The following ERP44 variants were observed in gnomAD, a reference collection of about 807,000 sequenced individuals.
ERP44 encodes endoplasmic reticulum protein 44.
In ERP44, 25 loss-of-function variants were observed where a neutral mutation model predicts 53.4. The observed-to-expected ratio is 0.47, with a 90% CI of 0.34 to 0.65. The LOEUF is 0.65. Among genes scored for constraint, ERP44 ranks in the 30% least tolerant of loss-of-function variants. The pLI is 0.01. For synonymous variants in ERP44, 145 were observed against 161.2 expected (o/e 0.90, Z 0.76); for missense variants, 338 against 493.2 (o/e 0.69, Z 2.98).
chr9:100,084,114 C>T (rs980884372), intron 1 of ERP44, among the ~76,000 whole-genome samples: 1 of 152,044 alleles, frequency 6.6e-6, no homozygotes, highest in Non-Finnish European at 1.5e-5. Flanking sequence ...AGAAGACTTA[C>T]CAAAGGATAT....
intron 10 of ERP44, among the ~76,000 whole-genome samples, chr9:99,993,131 A>G (rs1402766399): frequency 1.3e-5 from 2 of 152,242 alleles, no homozygotes; most frequent in African/African-American, 4.8e-5. Flanking sequence ...TCAAGCTACC[A>G]GTGACTTTCT....
At chr9:100,064,780 G>C (rs572748060) in intron 1 of ERP44, among the ~76,000 whole-genome samples, 9 of 152,212 alleles carry the variant, frequency 5.9e-5, no homozygotes, top group Admixed American at 1.3e-4. Context: ...TGTAGGTCTA[G>C]GCTAATGTGT....
At chr9:100,078,831 T>G (rs1473021980) in intron 1 of ERP44, among the ~76,000 whole-genome samples, 1 of 152,230 alleles carries the variant, frequency 6.6e-6, no homozygotes, top group Non-Finnish European at 1.5e-5. Context: ...ATTTATTGAC[T>G]TCATATCAGC....
chr9:100,091,439 A>G (rs900756766), intron 1 of ERP44, among the ~76,000 whole-genome samples: 12 of 152,204 alleles, frequency 7.9e-5, no homozygotes, highest in African/African-American at 2.9e-4. Context: ...TGCTAAGTTG[A>G]TAACAAACTG....
At chr9:99,993,566 A>G (rs1343395491) in intron 10 of ERP44, among the ~76,000 whole-genome samples, 1 of 152,240 alleles carries the variant, frequency 6.6e-6, no homozygotes, top group African/African-American at 2.4e-5. Context: ...ACCCTAGAAG[A>G]AAACCTAGGC....
chr9:99,998,532 A>AT, intron 10 of ERP44: 1 of 720,728 alleles, frequency 1.4e-6, no homozygotes, highest in Non-Finnish European at 2.6e-6. Flanking sequence ...CATCTCTGCT[A>AT]ATCTTCACGC....
At position 99,980,294 on chromosome 9, in the gene ERP44, T is replaced by G. The variant is rs1830135402; in HGVS notation, c.*2318A>C. The G allele has an allele frequency of 2.7e-6, 1 of 371,168 alleles. No individual in the cohort carries two copies. Among genetic ancestry groups the G allele is most frequent in the East Asian group, 3.9e-5 (1 of 25,890 alleles). 23.0% of individuals were successfully genotyped at this position (371,168 alleles called of 1,614,324 possible). A position where few individuals can be genotyped will look rare whatever the true frequency, so the allele number is the denominator to read the frequency against. On this transcript the variant is annotated 3_prime_UTR_variant, in exon 12 of 12. Transcript: ENST00000262455. ...AATGCTTTATTCAGCTTTACATCTT[T>G]CATCATATACTACAGCACCAAAAAA...
intron 10 of ERP44, chr9:99,998,633 G>A (rs950054713): frequency 2.6e-6 from 2 of 766,024 alleles, no homozygotes; most frequent in Non-Finnish European, 4.9e-6. Context: ...TTTTTCTTGA[G>A]ATCTCTCCAC....
At chr9:100,052,644 T>C (rs752216025) in intron 3 of ERP44, 112 bp from the exon 4 acceptor site, 170 of 523,406 alleles carry the variant, frequency 3.2e-4, no homozygotes, top group Non-Finnish European at 5.4e-4. Context: ...CTCTGCGAGA[T>C]AATCACACAC....
At chr9:100,022,267 C>T in intron 4 of ERP44, 41 bp from the exon 5 acceptor site, 2 of 1,493,604 alleles carry the variant, frequency 1.3e-6, no homozygotes, top group Non-Finnish European at 1.8e-6. Context: ...CATATGTAGT[C>T]AGGGCAAGCC....
rs553249707 is a variant in ERP44 at position 100,077,823 on chromosome 9, T to C, written c.58-17651A>G. On this transcript the variant is annotated intron_variant, in intron 1 of 11. Coordinates refer to ENST00000262455, the MANE Select transcript of ERP44 (RefSeq NM_015051.3). ...TAACAGAGGTAAGGAAGAGTATACA[T>C]GGAATACAGGAGATCTGTTAGGGTG... Among the ~76,000 whole-genome samples, 166 of 152,312 alleles carry C rather than the reference T, an allele frequency of 1.1e-3. 1 individual carries two copies. In the Middle Eastern group the frequency reaches 0.014, roughly 12 times the overall value.
In ERP44 at chr9:99,979,776, C is replaced by G; in HGVS notation, c.*2836G>C. ...CAGATAAACCGGGGAAGACTTCTAC[C>G]TGAAATGGTCTGATTCACGGTTCAG... On this transcript the variant is annotated 3_prime_UTR_variant, in exon 12 of 12. Coordinates refer to ENST00000262455, the MANE Select transcript of ERP44 (RefSeq NM_015051.3). 2 of 393,144 alleles carry G rather than the reference C, an allele frequency of 5.1e-6. No homozygotes were observed. Among genetic ancestry groups the G allele is most frequent in the Non-Finnish European group, 9.0e-6 (2 of 223,146 alleles). 24.4% of individuals were successfully genotyped at this position (393,144 alleles called of 1,614,324 possible). A position where few individuals can be genotyped will look rare whatever the true frequency, so the allele number is the denominator to read the frequency against.
intron 1 of ERP44, among the ~76,000 whole-genome samples, chr9:100,091,541 A>C (rs1826556163): frequency 6.6e-6 from 1 of 152,246 alleles, no homozygotes; most frequent in Non-Finnish European, 1.5e-5. Context: ...AAGATTTCTT[A>C]AAAATAAAAC....
intron 7 of ERP44, among the ~76,000 whole-genome samples, chr9:100,017,732 T>C (rs1830538987): frequency 6.6e-6 from 1 of 152,204 alleles, no homozygotes; most frequent in African/African-American, 2.4e-5. Flanking sequence ...TAACATGTGC[T>C]ACGATTTTTG....
intron 10 of ERP44, among the ~76,000 whole-genome samples, chr9:99,994,613 G>C (rs1256300876): frequency 6.6e-6 from 1 of 151,972 alleles, no homozygotes; most frequent in Non-Finnish European, 1.5e-5. Context: ...TAACAAACCT[G>C]CACGTTGTGC....
chr9:99,985,233 T>C (rs1830183953), intron 10 of ERP44, among the ~76,000 whole-genome samples, 164 bp from the exon 11 acceptor site: 1 of 152,228 alleles, frequency 6.6e-6, no homozygotes, highest in Admixed American at 6.5e-5. Context: ...GTTGTAAGCA[T>C]AGTATCCAGA....
chr9:100,085,729 G>T (rs556382577), intron 1 of ERP44, among the ~76,000 whole-genome samples: 1 of 152,144 alleles, frequency 6.6e-6, no homozygotes, highest in South Asian at 2.1e-4. Flanking sequence ...GTGAAACCTC[G>T]TCTCTACTAA....
intron 8 of ERP44, among the ~76,000 whole-genome samples, chr9:100,013,113 A>T (rs1830492825): frequency 6.6e-6 from 1 of 152,230 alleles, no homozygotes; most frequent in Admixed American, 6.5e-5. Context: ...AGATAGTAAG[A>T]TCTAAGAGCT....
At chr9:100,036,399 AACAAAAT>A (rs1404518369) in intron 4 of ERP44, among the ~76,000 whole-genome samples, 6 of 152,204 alleles carry the variant, frequency 3.9e-5, no homozygotes, top group African/African-American at 1.2e-4. Context: ...AGAAACAGAA[AACAAAAT>A]ACTGCATGTT....
Sources: gnomAD v4.1 joint callset for allele counts (sites outside exome capture counted in the v4.1 genomes callset) on GRCh38, gnomAD v4.1.1 for gene constraint, MANE v1.5 for transcripts, NCBI Gene and HGNC (gene_info 2026-07-23, HGNC 2026-07-21) for gene names.